The following RPS6KC1 variants were observed in gnomAD, a reference collection of about 807,000 sequenced individuals.
RPS6KC1 encodes the protein inactive ribosomal protein S6 kinase delta-1.
In RPS6KC1, 54 loss-of-function variants were observed where a neutral mutation model predicts 103.8. The ratio of observed to expected loss-of-function variants is 0.52; its 90% CI spans 0.42 to 0.65. The LOEUF is 0.65. RPS6KC1 is among the 30% of genes least tolerant of loss of function. The pLI is 0.00. For missense variants in RPS6KC1, 1,151 were observed against 1,253.8 expected (o/e 0.92, Z 1.24); for synonymous variants, 439 against 438.7 (o/e 1.00, Z -0.01).
chr1:213,460,152 C>T, the RPS6KC1 span, among the ~76,000 whole-genome samples: 1 of 152,016 alleles, frequency 6.6e-6, no homozygotes, highest in South Asian at 2.1e-4. Flanking sequence ...AATTTTTTGT[C>T]TTGTTGATCT....
At chr1:213,065,175 C>A (rs2078216303) in intron 1 of RPS6KC1, among the ~76,000 whole-genome samples, 1 of 151,242 alleles carries the variant, frequency 6.6e-6, no homozygotes, top group Non-Finnish European at 1.5e-5. Context: ...TGGGATTTCA[C>A]CATCTTGGCC....
intron 8 of RPS6KC1, among the ~76,000 whole-genome samples, chr1:213,187,098 TC>T (rs2092564237): frequency 6.6e-6 from 1 of 151,984 alleles, no homozygotes; most frequent in South Asian, 2.1e-4. Flanking sequence ...ATGGGGGTCT[TC>T]CTATGTTGCC....
intron 12 of RPS6KC1, among the ~76,000 whole-genome samples, chr1:213,246,795 C>T (rs2094461508): frequency 1.3e-5 from 2 of 151,680 alleles, no homozygotes; most frequent in Admixed American, 1.3e-4. Flanking sequence ...GGGAGGATTG[C>T]TTGAGGCTGT....
intron 8 of RPS6KC1, among the ~76,000 whole-genome samples, chr1:213,184,610 T>TA (rs1221426481): frequency 6.6e-6 from 1 of 152,076 alleles, no homozygotes; most frequent in Non-Finnish European, 1.5e-5. Context: ...TTTTCTTTTT[T>TA]AAAAAAATTG....
the RPS6KC1 span, among the ~76,000 whole-genome samples, chr1:213,776,407 TCTC>T: frequency 2.0e-5 from 3 of 152,018 alleles, no homozygotes; most frequent in African/African-American, 4.8e-5. Context: ...ACAACAATCA[TCTC>T]CTTGTATGTC....
At chr1:213,426,158 G>T in the RPS6KC1 span, among the ~76,000 whole-genome samples, 1 of 152,150 alleles carries the variant, frequency 6.6e-6, no homozygotes, top group Admixed American at 6.5e-5. Context: ...GCCAGGGTGT[G>T]AACATTCTGA....
the RPS6KC1 span, among the ~76,000 whole-genome samples, chr1:213,780,159 A>G: frequency 6.6e-6 from 1 of 152,342 alleles, no homozygotes; most frequent in South Asian, 2.1e-4. Flanking sequence ...ATCAAGTAAG[A>G]TGGTATCTGG....
At chr1:213,515,636 T>G in the RPS6KC1 span, among the ~76,000 whole-genome samples, 2 of 152,194 alleles carry the variant, frequency 1.3e-5, no homozygotes, top group Non-Finnish European at 2.9e-5. Flanking sequence ...ACTGTAGCCT[T>G]GTAGTATAGT....
At chr1:213,675,988 T>G in the RPS6KC1 span, among the ~76,000 whole-genome samples, 4 of 152,194 alleles carry the variant, frequency 2.6e-5, no homozygotes, top group South Asian at 6.2e-4. Context: ...ACCTATTACA[T>G]CCTTTGTGAT....
At chr1:213,788,728 T>A in the RPS6KC1 span, among the ~76,000 whole-genome samples, 1 of 152,188 alleles carries the variant, frequency 6.6e-6, no homozygotes, top group South Asian at 2.1e-4. Flanking sequence ...CATTCCTGGG[T>A]CTGACCCCCA....
chr1:213,131,022 T>G (rs1464438282), intron 6 of RPS6KC1, among the ~76,000 whole-genome samples: 1 of 152,140 alleles, frequency 6.6e-6, no homozygotes, highest in African/African-American at 2.4e-5. Flanking sequence ...CTTAAAGAAA[T>G]TTTTGACTGC....
chr1:213,639,238 G>A, the RPS6KC1 span, among the ~76,000 whole-genome samples: 1 of 152,024 alleles, frequency 6.6e-6, no homozygotes, highest in Non-Finnish European at 1.5e-5. Context: ...GGAGGTTTTT[G>A]GTAGAGCCCT....
chr1:213,849,149 C>A, the RPS6KC1 span, among the ~76,000 whole-genome samples: 2 of 152,170 alleles, frequency 1.3e-5, no homozygotes, highest in Non-Finnish European at 2.9e-5. Flanking sequence ...AGCTGTGTTT[C>A]CCAAACACTC....
At chr1:213,318,536 G>A in the RPS6KC1 span, among the ~76,000 whole-genome samples, 2 of 152,186 alleles carry the variant, frequency 1.3e-5, no homozygotes, top group Non-Finnish European at 2.9e-5. Flanking sequence ...TTCCTACTAT[G>A]TGTCTGTATT....
chr1:213,662,551 T>G, the RPS6KC1 span, among the ~76,000 whole-genome samples: 1 of 151,996 alleles, frequency 6.6e-6, no homozygotes, highest in Admixed American at 6.6e-5. Flanking sequence ...GTGTTGGGGT[T>G]ACAGGCGTGA....
the RPS6KC1 span, among the ~76,000 whole-genome samples, chr1:213,377,139 C>T: frequency 1.3e-5 from 2 of 152,184 alleles, no homozygotes; most frequent in African/African-American, 2.4e-5. Flanking sequence ...TTTGCTCAGG[C>T]TGAAATGTGC....
the RPS6KC1 span, among the ~76,000 whole-genome samples, chr1:213,709,817 A>G: frequency 6.6e-6 from 1 of 152,122 alleles, no homozygotes; most frequent in Non-Finnish European, 1.5e-5. Flanking sequence ...GTTTCCATGT[A>G]GTTGTGCGGT....
chr1:213,785,259 T>A, the RPS6KC1 span, among the ~76,000 whole-genome samples: 1 of 152,120 alleles, frequency 6.6e-6, no homozygotes, highest in African/African-American at 2.4e-5. Context: ...TTTCAACCCA[T>A]GAACCCTAAG....
chr1:213,835,728 G>C, the RPS6KC1 span: 4 of 152,158 alleles, frequency 2.6e-5, no homozygotes, highest in African/African-American at 9.7e-5. Flanking sequence ...TCTCCCACAT[G>C]AAGTTTATAA....
Sources: allele counts gnomAD v4.1 joint callset (sites outside exome capture counted in the v4.1 genomes callset), GRCh38; gene constraint gnomAD v4.1.1; transcripts MANE v1.5; gene names NCBI Gene and HGNC (gene_info 2026-07-23, HGNC 2026-07-21).